LUZP1: variants seen among roughly 807,000 people sequenced by gnomAD.
The protein encoded by LUZP1 is filamin mechanobinding actin cross-linking protein.
In LUZP1, 25 loss-of-function variants were observed where a neutral mutation model predicts 71.3. That is an observed-to-expected ratio of 0.35 (90% CI 0.26 to 0.49). The LOEUF is 0.49. Among genes scored for constraint, LUZP1 ranks in the 20% least tolerant of loss-of-function variants. The pLI, the probability that LUZP1 is intolerant of heterozygous loss-of-function variation, is 0.99. For missense variants in LUZP1, 1,142 were observed against 1,300.8 expected (o/e 0.88, Z 1.88); for synonymous variants, 481 against 506.4 (o/e 0.95, Z 0.67).
At chr1:23,110,628 G>GCACACA (rs1433726525) in intron 2 of LUZP1, among the ~76,000 whole-genome samples, 11 of 49,024 alleles carry the variant, frequency 2.2e-4, no homozygotes, top group Middle Eastern at 0.012. Flanking sequence ...GCATGAACGC[G>GCACACA]CACACATACA....
exon 5 of LUZP1, chr1:23,087,283 A>C (rs1345803818): frequency 1.3e-5 from 2 of 152,220 alleles, no homozygotes; most frequent in Non-Finnish European, 2.9e-5. Flanking sequence ...AAACTAAAAA[A>C]CAAGGCCCAG....
chr1:23,092,035 G>T, exon 4 of LUZP1: 1 of 1,614,016 alleles, frequency 6.2e-7, no homozygotes, highest in Non-Finnish European at 8.5e-7. Context: ...GGGCTAAAGG[G>T]CCTTTGGCTT....
intron 2 of LUZP1, among the ~76,000 whole-genome samples, chr1:23,146,313 G>T (rs1180354418): frequency 6.6e-6 from 1 of 152,178 alleles, no homozygotes; most frequent in African/African-American, 2.4e-5. Flanking sequence ...ACCACGCCCA[G>T]CCCATGCACC....
At chr1:23,164,266 C>A (rs996714218) in intron 2 of LUZP1, among the ~76,000 whole-genome samples, 1 of 152,062 alleles carries the variant, frequency 6.6e-6, no homozygotes, top group Non-Finnish European at 1.5e-5. Flanking sequence ...GAGGCCGAAG[C>A]GGGCGGATCA....
At position 23,093,150 on chromosome 1, in the gene LUZP1, T is replaced by C; in HGVS notation, c.1112A>G (p.His371Arg). The C allele has an allele frequency of 2.5e-6, 4 of 1,614,146 alleles. No homozygotes were observed. Among genetic ancestry groups the C allele is most frequent in the Non-Finnish European group, 3.4e-6 (4 of 1,180,004 alleles). Reference sequence around the variant, plus strand: ...GTGGCCTCTAAACTTAGTCCTCTCATGTCTGCCTTTGCTGGACAGGAAAGC... The same window carrying C: ...GTGGCCTCTAAACTTAGTCCTCTCACGTCTGCCTTTGCTGGACAGGAAAGC... The change falls in exon 4 of 5, where the codon CAT becomes CGT. Residue 371 changes from histidine to arginine, a missense_variant. Coordinates refer to ENST00000302291, the Ensembl canonical transcript of LUZP1. This position sits in a 1 kb window ranked among gnomAD's most constrained non-coding sequence, Gnocchi z 4.2.
At chr1:23,091,276 T>C (rs754509854) in exon 4 of LUZP1, 2 of 1,614,080 alleles carry the variant, frequency 1.2e-6, no homozygotes. Context: ...ACAGTGAGGC[T>C]ACTTTGGGTC....
intron 2 of LUZP1, among the ~76,000 whole-genome samples, chr1:23,131,836 C>A (rs564197337): frequency 2.8e-4 from 42 of 152,308 alleles, no homozygotes; most frequent in Non-Finnish European, 4.3e-4. Context: ...CAGGCGCATG[C>A]CATCACACCC....
At chr1:23,096,959 C>T (rs1315732299) in intron 3 of LUZP1, among the ~76,000 whole-genome samples, 1 of 152,130 alleles carries the variant, frequency 6.6e-6, no homozygotes, top group Non-Finnish European at 1.5e-5. Context: ...GTCGACAGAG[C>T]AAGACACCAT....
At chr1:23,151,064 G>A (rs913738490) in intron 2 of LUZP1, among the ~76,000 whole-genome samples, 4 of 151,812 alleles carry the variant, frequency 2.6e-5, no homozygotes, top group African/African-American at 9.7e-5. Context: ...TATTTTTTTA[G>A]GCAGAGTCTC....
At chr1:23,106,054 T>A (rs529757106) in intron 3 of LUZP1, among the ~76,000 whole-genome samples, 28 of 152,356 alleles carry the variant, frequency 1.8e-4, no homozygotes, top group African/African-American at 6.7e-4. Flanking sequence ...TTTTCTGTTT[T>A]TGCTTATGTC....
intron 2 of LUZP1, among the ~76,000 whole-genome samples, chr1:23,160,569 T>C (rs986071602): frequency 1.9e-4 from 29 of 152,312 alleles, no homozygotes; most frequent in Middle Eastern, 3.4e-3. Flanking sequence ...TCCCGGCCTT[T>C]AGATTAGAGA....
intron 3 of LUZP1, among the ~76,000 whole-genome samples, chr1:23,097,572 C>T (rs775513258): frequency 6.6e-6 from 1 of 152,116 alleles, no homozygotes. Context: ...ATTAAGAAGC[C>T]GAGTGCAATG....
intron 2 of LUZP1, among the ~76,000 whole-genome samples, chr1:23,132,635 CCTT>C (rs1310068273): frequency 6.6e-6 from 1 of 151,970 alleles, no homozygotes; most frequent in Non-Finnish European, 1.5e-5. Context: ...AGCAGATTAT[CCTT>C]ATTATTTAGG....
chr1:23,113,922 G>C (rs1394779205), intron 2 of LUZP1, among the ~76,000 whole-genome samples: 1 of 150,702 alleles, frequency 6.6e-6, no homozygotes, highest in Non-Finnish European at 1.5e-5. Flanking sequence ...AAATGAAGGG[G>C]AAAACAGTAA....
Position 23,115,088 on chromosome 1 carries a change from A to G in LUZP1, c.-225-5961T>C, listed in dbSNP as rs529042862. 7.9e-5 allele frequency among the ~76,000 whole-genome samples: 12 copies of G among 152,350 alleles called. No homozygotes were observed. In the Middle Eastern group the frequency reaches 0.01, roughly 130 times the overall value. On this transcript the variant is annotated intron_variant, in intron 2 of 4. Transcript: ENST00000302291. ...ATTCAAACTTTTTTAATAATTTTCTATAAGTCTTGCCATTAATACTTAAAT... is the reference window on the plus strand; with the variant it reads ...ATTCAAACTTTTTTAATAATTTTCTGTAAGTCTTGCCATTAATACTTAAAT...
rs545878739 is a variant in LUZP1, at chr1:23,107,562, A to C, written c.-120+1460T>G. On this transcript the variant is annotated intron_variant, in intron 3 of 4. Coordinates refer to ENST00000302291, the Ensembl canonical transcript of LUZP1. ...ACACTTATAATCCCAGCACTCTGGG[A>C]GGCCAAGGTGGGCAAATCACCTGAG... 2.8e-4 allele frequency among the ~76,000 whole-genome samples: 43 copies of C among 152,292 alleles called. No homozygotes were observed. The South Asian group carries it at 7.7e-3, about 27-fold the overall frequency.
exon 4 of LUZP1, chr1:23,092,049 A>G: frequency 1.2e-6 from 2 of 1,613,914 alleles, no homozygotes. Flanking sequence ...TTGGCTTTTT[A>G]CCCCAGCACC....
chr1:23,171,216 C>G (rs962808881), intron 1 of LUZP1, among the ~76,000 whole-genome samples: 1 of 151,742 alleles, frequency 6.6e-6, no homozygotes, highest in African/African-American at 2.4e-5. Flanking sequence ...AACAATCCAC[C>G]TAATCATTTC....
In LUZP1 at chr1:23,091,794, T is replaced by C. The variant is rs572398073; in HGVS notation, c.2468A>G (p.Asn823Ser). 1.9e-5 allele frequency: 30 copies of C among 1,614,046 alleles called. No homozygotes were observed. The East Asian group carries it at 5.6e-4, about 30-fold the overall frequency. Residue 823 changes from asparagine to serine, a missense_variant, in exon 4 of 5, where the codon AAT (asparagine) becomes AGT (serine). Physicochemically the swap from Asn to Ser is conservative, Grantham distance 46. Coordinates refer to ENST00000302291, the Ensembl canonical transcript of LUZP1. Reference sequence around the variant, plus strand: ...GAGCTCTGCCAGCCCCACCTGGATATTGCTAGTGGATGTGTGCCTCTCCCT... The same window carrying C: ...GAGCTCTGCCAGCCCCACCTGGATACTGCTAGTGGATGTGTGCCTCTCCCT...
Sources: gnomAD v4.1 joint callset for allele counts (sites outside exome capture counted in the v4.1 genomes callset) on GRCh38, gnomAD v4.1.1 for gene constraint, Gnocchi (gnomAD v3.1) non-coding constraint, MANE v1.5 for transcripts, NCBI Gene and HGNC (gene_info 2026-07-23, HGNC 2026-07-21) for gene names.